Variants in PSD3 observed in about 807,000 individuals in gnomAD.
PSD3 encodes pleckstrin and Sec7 domain containing 3, also known as PH and SEC7 domain-containing protein 3.
Under a neutral mutation model 105.5 loss-of-function variants are expected in PSD3, and 49 were observed. The ratio of observed to expected loss-of-function variants is 0.46; its 90% CI spans 0.37 to 0.59. PSD3 has a LOEUF of 0.59. Among genes scored for constraint, PSD3 ranks in the 20% least tolerant of loss-of-function variants. PSD3 has a pLI of 0.00. For synonymous variants in PSD3, 557 were observed against 457.8 expected, an observed-to-expected ratio of 1.22 and a Z score of -2.77; for missense variants, 1,561 against 1,263.8, an observed-to-expected ratio of 1.24 and a Z score of -3.57.
intron 4 of PSD3, chr8:18,865,099 A>G (rs1225402131): frequency 6.6e-6 from 1 of 150,844 alleles, no homozygotes; most frequent in Non-Finnish European, 1.5e-5. Flanking sequence ...AAGACCCAAC[A>G]CCTAGCACAG....
chr8:19,057,127 G>C (rs17127732), intron 1 of PSD3, among the ~76,000 whole-genome samples: 6,758 of 152,118 alleles, frequency 0.044, 486 homozygotes, highest in African/African-American at 0.15. Context: ...CATACTCCCT[G>C]TACTGCTCTC....
chr8:19,049,249 T>C (rs1332866984), intron 1 of PSD3, among the ~76,000 whole-genome samples: 14 of 152,218 alleles, frequency 9.2e-5, no homozygotes, highest in Admixed American at 9.2e-4. Context: ...AAGGAGGTGA[T>C]ATCTTGCAAG....
At chr8:18,595,104 G>T (rs745971702) in intron 12 of PSD3, among the ~76,000 whole-genome samples, 20 of 151,676 alleles carry the variant, frequency 1.3e-4, no homozygotes, top group Non-Finnish European at 2.6e-4. Flanking sequence ...AATACAAAAG[G>T]ATATAATTTG....
At chr8:18,797,422 C>A (rs187552971) in intron 8 of PSD3, among the ~76,000 whole-genome samples, 2 of 152,210 alleles carry the variant, frequency 1.3e-5, no homozygotes, top group Admixed American at 1.3e-4. Flanking sequence ...TCTTTTCCAT[C>A]CCAGTTGCCA....
intron 9 of PSD3, among the ~76,000 whole-genome samples, chr8:18,692,563 C>T (rs183290958): frequency 5.3e-5 from 8 of 152,000 alleles, no homozygotes; most frequent in Admixed American, 2.0e-4. Context: ...CATAATGGAG[C>T]GGGAGCTGAG....
At position 18,872,022 on chromosome 8, in the gene PSD3, G is replaced by C; in HGVS notation, c.842C>G (p.Pro281Arg). Reference protein sequence around the residue: ...EQRSALGREHPGGCDRSSSMG... With the variant: ...EQRSALGREHRGGCDRSSSMG... ...GGAGCTGCTTCGATCACATCCCCCT[G>C]GGTGCTCTCTCCCAAGAGCAGACCT... is the stretch of plus-strand genomic sequence containing the variant. The change falls in exon 3 of 16, where the codon CCA becomes CGA. Residue 281 changes from proline to arginine, a missense_variant. Coordinates refer to ENST00000327040, the MANE Select transcript of PSD3 (RefSeq NM_015310.4). 6.2e-7 allele frequency: 1 copy of C among 1,614,064 alleles called. No homozygotes were observed. The highest frequency in any genetic ancestry group is 1.7e-5 in the Admixed American group (1 of 60,024).
chr8:18,533,122 A>G lies in PSD3; in HGVS notation c.*2621T>C, dbSNP rs1799699348. ...GATGCCACAGGAAATAAATTATCCC[A>G]AAGGAAAATGTGGTTGGCTATGGGC... On this transcript the variant is annotated 3_prime_UTR_variant, in exon 16 of 16. Coordinates refer to ENST00000327040, the MANE Select transcript of PSD3 (RefSeq NM_015310.4). 1 of 152,166 alleles carries G rather than the reference A, an allele frequency of 6.6e-6. No homozygotes were observed. Among genetic ancestry groups the G allele is most frequent in the African/African-American group, 2.4e-5 (1 of 41,424 alleles). The allele number at this position is 152,166 out of a possible 1,614,324, so 9.4% of individuals were successfully genotyped here.
chr8:18,727,334 CAAAAAAA>C (rs11300334), intron 9 of PSD3, among the ~76,000 whole-genome samples: 1 of 55,788 alleles, frequency 1.8e-5, no homozygotes, highest in South Asian at 7.8e-4. Context: ...GACTGTGTCT[CAAAAAAA>C]AAAAAAAAAA....
chr8:18,546,897 G>A (rs1318728146), intron 15 of PSD3, among the ~76,000 whole-genome samples: 1 of 152,128 alleles, frequency 6.6e-6, no homozygotes, highest in Non-Finnish European at 1.5e-5. Flanking sequence ...CTGCTCCATG[G>A]TTCGGGGATA....
chr8:18,745,502 C>T (rs1409592653), intron 9 of PSD3, among the ~76,000 whole-genome samples: 1 of 152,136 alleles, frequency 6.6e-6, no homozygotes, highest in South Asian at 2.1e-4. Context: ...GGCACACCAC[C>T]CTCTTCTTTT....
At chr8:18,713,303 A>C (rs1802371515) in intron 9 of PSD3, among the ~76,000 whole-genome samples, 1 of 152,208 alleles carries the variant, frequency 6.6e-6, no homozygotes, top group African/African-American at 2.4e-5. Context: ...GGCAAGAGAA[A>C]GAAATAAAGG....
intron 1 of PSD3, among the ~76,000 whole-genome samples, chr8:18,997,544 G>A (rs921996952): frequency 9.2e-5 from 14 of 151,940 alleles, no homozygotes; most frequent in Non-Finnish European, 1.9e-4. Flanking sequence ...ACATCAGCCA[G>A]ATCATGTCCC....
chr8:19,067,405 A>AC (rs1829110593), intron 1 of PSD3, among the ~76,000 whole-genome samples: 1 of 152,188 alleles, frequency 6.6e-6, no homozygotes, highest in African/African-American at 2.4e-5. Context: ...ACATCATTGC[A>AC]CCAAGAGTCA....
At chr8:18,835,592 G>T (rs74704295) in intron 4 of PSD3, among the ~76,000 whole-genome samples, 2,228 of 152,292 alleles carry the variant, frequency 0.015, 57 homozygotes, top group African/African-American at 0.05. Flanking sequence ...AAGGGGCCGT[G>T]GGGAAGCAGG....
intron 4 of PSD3, chr8:18,808,694 G>T (rs1304995327): frequency 3.7e-6 from 6 of 1,605,050 alleles, no homozygotes; most frequent in Non-Finnish European, 4.3e-6. Flanking sequence ...ATTTGAACAA[G>T]AACCGGAATT....
chr8:18,907,687 T>C (rs1391571859), intron 2 of PSD3, among the ~76,000 whole-genome samples: 1 of 152,216 alleles, frequency 6.6e-6, no homozygotes, highest in Non-Finnish European at 1.5e-5. Flanking sequence ...CACTCTGGTG[T>C]TCAAACAAGG....
chr8:18,531,007 A>G lies in PSD3; in HGVS notation c.*4736T>C, dbSNP rs1799610973. The G allele has an allele frequency of 6.6e-6, 1 of 152,072 alleles. No homozygotes were observed. The highest frequency in any genetic ancestry group is 2.1e-4 in the South Asian group (1 of 4,816). 9.4% of individuals were successfully genotyped at this position (152,072 alleles called of 1,614,324 possible). A position where few individuals can be genotyped will look rare whatever the true frequency, so the allele number is the denominator to read the frequency against. Reference sequence around the variant, plus strand: ...AAAATAATTTTGATGTACATGTACCATACACTGATATGCAATCTACACACT... The same window carrying G: ...AAAATAATTTTGATGTACATGTACCGTACACTGATATGCAATCTACACACT... On this transcript the variant is annotated 3_prime_UTR_variant, in exon 16 of 16. Transcript: ENST00000327040.
intron 10 of PSD3, among the ~76,000 whole-genome samples, chr8:18,652,654 C>G (rs184804149): frequency 6.6e-6 from 1 of 151,784 alleles, no homozygotes; most frequent in Non-Finnish European, 1.5e-5. Flanking sequence ...CACGCCACCA[C>G]GCCCAGCTAA....
intron 1 of PSD3, among the ~76,000 whole-genome samples, chr8:18,982,044 T>C (rs1034842861): frequency 6.6e-6 from 1 of 152,202 alleles, no homozygotes; most frequent in Admixed American, 6.5e-5. Flanking sequence ...CTTTCAAATC[T>C]GAAGTCAATC....
Sources: gnomAD v4.1 joint callset for allele counts (sites outside exome capture counted in the v4.1 genomes callset) on GRCh38, gnomAD v4.1.1 for gene constraint, MANE v1.5 for transcripts, NCBI Gene and HGNC (gene_info 2026-07-23, HGNC 2026-07-21) for gene names.